Variants in KAZN observed in about 807,000 individuals in gnomAD.
The protein encoded by KAZN is kazrin.
Under a neutral mutation model 87.4 loss-of-function variants are expected in KAZN, and 40 were observed. That is an observed-to-expected ratio of 0.46 (90% CI 0.36 to 0.60). The LOEUF (loss-of-function observed/expected upper bound fraction) is 0.60. KAZN is among the 20% of genes least tolerant of loss of function. The probability of loss-of-function intolerance (pLI) is 0.00; values close to 1 mark genes in which losing one functional copy is unlikely to be tolerated. For synonymous variants in KAZN, 466 were observed against 458.3 expected (o/e 1.02, Z -0.22); for missense variants, 898 against 1,073.9 (o/e 0.84, Z 2.29).
intron 2 of KAZN, among the ~76,000 whole-genome samples, chr1:14,272,660 C>G (rs190600273): frequency 7.9e-4 from 120 of 152,108 alleles, no homozygotes; most frequent in African/African-American, 2.8e-3. Flanking sequence ...AGTTCAAGAC[C>G]AGCCTGGCCA....
chr1:14,179,055 C>A (rs1484442599), intron 1 of KAZN, among the ~76,000 whole-genome samples: 2 of 152,150 alleles, frequency 1.3e-5, no homozygotes, highest in Non-Finnish European at 2.9e-5. Flanking sequence ...AATTATTTGG[C>A]CTGCAGCTCC....
chr1:14,308,845 G>T (rs1386815704), intron 2 of KAZN, among the ~76,000 whole-genome samples: 2 of 152,162 alleles, frequency 1.3e-5, no homozygotes, highest in Admixed American at 1.3e-4. Context: ...TTTGCCTGTT[G>T]TGTATGATTT....
chr1:14,781,214 C>A (rs371281333), intron 1 of KAZN, among the ~76,000 whole-genome samples: 2 of 152,248 alleles, frequency 1.3e-5, no homozygotes, highest in African/African-American at 2.4e-5. Flanking sequence ...CCCAGCTACT[C>A]GGGAGGCTGA....
intron 2 of KAZN, among the ~76,000 whole-genome samples, chr1:14,447,205 CCACATT>C (rs2148324534): frequency 8.2e-6 from 1 of 122,632 alleles, no homozygotes; most frequent in South Asian, 2.7e-4. Context: ...GGCGTTTCCA[CCACATT>C]ATTATTATTA....
At chr1:13,900,682 A>G (rs1351006610) in intron 1 of KAZN, among the ~76,000 whole-genome samples, 1 of 152,202 alleles carries the variant, frequency 6.6e-6, no homozygotes, top group Non-Finnish European at 1.5e-5. Context: ...TAAGAGCTCC[A>G]TGGCTTGGGT....
chr1:14,232,912 T>C (rs1209012326), intron 2 of KAZN, among the ~76,000 whole-genome samples: 1 of 152,104 alleles, frequency 6.6e-6, no homozygotes, highest in Non-Finnish European at 1.5e-5. Flanking sequence ...TTTTTTAGGG[T>C]AAAGAACTTT....
intron 1 of KAZN, among the ~76,000 whole-genome samples, chr1:14,001,115 T>C (rs2101144165): frequency 6.6e-6 from 1 of 152,228 alleles, no homozygotes; most frequent in Middle Eastern, 3.4e-3. Context: ...CCCCATCATC[T>C]CAGCCCCAAA....
intron 1 of KAZN, among the ~76,000 whole-genome samples, chr1:14,883,318 A>AGAGAGAGAGAGAGAG (rs1653557416): frequency 2.9e-4 from 11 of 38,588 alleles, no homozygotes; most frequent in Admixed American, 1.1e-3. Flanking sequence ...GAAAGAAAGA[A>AGAGAGAGAGAGAGAG]AGAGAGAGAG....
At chr1:14,327,263 C>T (rs571819886) in intron 2 of KAZN, among the ~76,000 whole-genome samples, 7 of 152,290 alleles carry the variant, frequency 4.6e-5, no homozygotes, top group South Asian at 4.2e-4. Context: ...TCAATGTGTT[C>T]TCTCCAATAG....
At chr1:14,280,963 G>A (rs568397434) in intron 2 of KAZN, among the ~76,000 whole-genome samples, 9 of 152,310 alleles carry the variant, frequency 5.9e-5, no homozygotes, top group Admixed American at 1.3e-4. Context: ...GCAGTACACA[G>A]CCAGGATTCA....
chr1:14,802,563 G>A (rs935343842), intron 1 of KAZN, among the ~76,000 whole-genome samples: 4 of 152,090 alleles, frequency 2.6e-5, no homozygotes, highest in African/African-American at 7.2e-5. Context: ...CTATATGCAC[G>A]GAACAGCCCC....
chr1:14,949,155 A>AAATAATAAG lies in KAZN; in HGVS notation c.227-11521_227-11520insGAATAATAA, dbSNP rs1662176009. ...GCAACAGAGTGAGACTCCGACTCAA[A>AAATAATAAG]AATAATAATAATAATAATAATAATA... On this transcript the variant is annotated intron_variant, in intron 1 of 14. Transcript: ENST00000376030. The surrounding 1 kb of genome is among the most constrained non-coding windows in gnomAD (Gnocchi z 4.3). 7.0e-6 allele frequency among the ~76,000 whole-genome samples: 1 copy of AAATAATAAG among 143,868 alleles called. No homozygotes were observed. Among genetic ancestry groups the AAATAATAAG allele is most frequent in the Admixed American group, 7.0e-5 (1 of 14,334 alleles). The allele number at this position is 143,868 out of a possible 152,430, so 94.4% of individuals were successfully genotyped here.
chr1:15,070,098 T>C (rs1005817746), intron 8 of KAZN, among the ~76,000 whole-genome samples: 1 of 151,896 alleles, frequency 6.6e-6, no homozygotes, highest in Non-Finnish European at 1.5e-5. Context: ...AACTATGGAG[T>C]TTTGGCTACA....
At chr1:14,866,943 A>G (rs764674261) in intron 1 of KAZN, among the ~76,000 whole-genome samples, 1 of 152,228 alleles carries the variant, frequency 6.6e-6, no homozygotes, top group Non-Finnish European at 1.5e-5. Flanking sequence ...GAGATACACA[A>G]TAATGGAGAA....
At chr1:14,257,973 GAGAAAA>G (rs1650673019) in intron 2 of KAZN, among the ~76,000 whole-genome samples, 1 of 87,358 alleles carries the variant, frequency 1.1e-5, no homozygotes, top group African/African-American at 5.1e-5. Flanking sequence ...AAAAAAAAAA[GAGAAAA>G]AAAAAAAAGA....
rs1340556613 is a variant in KAZN at position 15,101,884 on chromosome 1, C to CCCGT, written c.1779+112_1779+113insGTCC. 3 of 698,608 alleles carry CCCGT rather than the reference C, an allele frequency of 4.3e-6. No individual in the cohort carries two copies. In the East Asian group the frequency reaches 8.1e-5, roughly 19 times the overall value. 43.3% of individuals were successfully genotyped at this position (698,608 alleles called of 1,614,324 possible). On this transcript the variant is annotated intron_variant, in intron 11 of 14. Transcript: ENST00000376030. The stretch of plus-strand genomic sequence containing the variant: ...CACTACCCGTCTATCCATCTGTCCA[C>CCCGT]CCATCCATCCATCATCCAGCCATCC...
At chr1:14,336,891 GTTATC>G (rs1171807709) in intron 2 of KAZN, among the ~76,000 whole-genome samples, 1 of 152,054 alleles carries the variant, frequency 6.6e-6, no homozygotes, top group Non-Finnish European at 1.5e-5. Flanking sequence ...CATTCTGTAA[GTTATC>G]TTTTCTCCAT....
chr1:14,066,704 C>T (rs529029912), intron 1 of KAZN, among the ~76,000 whole-genome samples: 6 of 152,292 alleles, frequency 3.9e-5, no homozygotes, highest in South Asian at 2.1e-4. Flanking sequence ...GGAATGATAT[C>T]GGTAATCACT....
intron 2 of KAZN, among the ~76,000 whole-genome samples, chr1:14,558,293 A>AT (rs1331086219): frequency 1.3e-5 from 2 of 152,238 alleles, no homozygotes; most frequent in Non-Finnish European, 2.9e-5. Context: ...AGCAAAATTT[A>AT]GAAGGTAAAT....
Sources: allele counts gnomAD v4.1 joint callset (sites outside exome capture counted in the v4.1 genomes callset), GRCh38; gene constraint gnomAD v4.1.1; non-coding constraint Gnocchi (gnomAD v3.1); transcripts MANE v1.5; gene names NCBI Gene and HGNC (gene_info 2026-07-23, HGNC 2026-07-21).